Variants in EIF5B observed in about 807,000 individuals in gnomAD.
EIF5B encodes the protein eIF-5B.
EIF5B carries 47 observed loss-of-function variants against 147.5 expected under a neutral mutation model. That is an observed-to-expected ratio of 0.32 (90% CI 0.25 to 0.41). The LOEUF (loss-of-function observed/expected upper bound fraction) is 0.41. EIF5B is among the 10% of genes least tolerant of loss of function. The probability of loss-of-function intolerance (pLI) is 1.00; values close to 1 mark genes in which losing one functional copy is unlikely to be tolerated. For synonymous variants in EIF5B, 455 were observed against 456.2 expected (o/e 1.00, Z 0.03); for missense variants, 1,064 against 1,413.2 (o/e 0.75, Z 3.96).
At chr2:99,337,738 C>A in intron 1 of EIF5B, 149 bp downstream of exon 1, 3 of 1,080,790 alleles carry the variant, frequency 2.8e-6, no homozygotes, top group Non-Finnish European at 3.8e-6. Context: ...GGAGCGGGCC[C>A]AAGCCCCCGG....
chr2:99,380,428 G>A (rs1674664469), intron 12 of EIF5B, among the ~76,000 whole-genome samples: 1 of 152,146 alleles, frequency 6.6e-6, no homozygotes. Context: ...AGTTATTATT[G>A]TGCTGAGATA....
chr2:99,388,979 T>C (rs1230293521), intron 14 of EIF5B, among the ~76,000 whole-genome samples: 1 of 152,236 alleles, frequency 6.6e-6, no homozygotes, highest in Non-Finnish European at 1.5e-5. Context: ...GACATGTTTT[T>C]ATTATTTAGC....
rs1393025067 is a variant in EIF5B, at chr2:99,390,306, A to G, written c.2491A>G (p.Met831Val). 6.2e-7 allele frequency: 1 copy of G among 1,614,130 alleles called. No individual in the cohort carries two copies. Among genetic ancestry groups the G allele is most frequent in the Admixed American group, 1.7e-5 (1 of 60,016 alleles). Reference sequence around the variant, plus strand: ...TACCTCTGCACATACTGGTGATGGCATGGGAAGTCTGATCTACCTTCTTGT... The same window carrying G: ...TACCTCTGCACATACTGGTGATGGCGTGGGAAGTCTGATCTACCTTCTTGT... ...VPTSAHTGDG[M>V]GSLIYLLVEL... The change falls in exon 16 of 24, where the codon ATG becomes GTG. Residue 831 changes from methionine (M) to valine (V), a missense_variant. By Grantham distance (21) the Met-to-Val change is conservative (BLOSUM62 1). Around this residue, in one of 4 missense-constraint regions of EIF5B, gnomAD observed 380 missense variants for 715.6 expected, o/e 0.53. Coordinates refer to ENST00000289371, the MANE Select transcript of EIF5B (RefSeq NM_015904.4).
chr2:99,365,127 A>G (rs1674300870), intron 6 of EIF5B, among the ~76,000 whole-genome samples: 1 of 152,198 alleles, frequency 6.6e-6, no homozygotes, highest in Non-Finnish European at 1.5e-5. Context: ...CTGCTCCTAT[A>G]TTCCCTAGAT....
At chr2:99,399,007 AGAATCTG>A (rs1345848424) in intron 23 of EIF5B, 98 bp downstream of exon 23, 10 of 1,382,806 alleles carry the variant, frequency 7.2e-6, no homozygotes, top group Non-Finnish European at 8.8e-6. Context: ...GTTTGATTGT[AGAATCTG>A]ATGGGACTGG....
At chr2:99,376,735 T>C (rs888455153) in intron 10 of EIF5B, 99 bp downstream of exon 10, 72 of 1,442,988 alleles carry the variant, frequency 5.0e-5, no homozygotes, top group Admixed American at 7.5e-5. Flanking sequence ...ACTTTATGTA[T>C]TCTCAAGAAT....
At position 99,376,499 on chromosome 2, in the gene EIF5B, G is replaced by C. The variant is rs765218263; in HGVS notation, c.1705G>C (p.Val569Leu). The change falls in exon 10 of 24, where the codon GTG becomes CTG. Residue 569 changes from valine (V) to leucine (L), a missense_variant. By Grantham distance (32) the Val-to-Leu change is conservative. This residue lies in a region of EIF5B where 195 missense variants were observed against 186.3 expected (regional missense o/e 1.05). Coordinates refer to ENST00000289371, the MANE Select transcript of EIF5B (RefSeq NM_015904.4). ...GSEGDEEDEK[V>L]SDEKDSGKTL... ...TGAAGGTGATGAGGAAGATGAAAAG[G>C]TGTCAGATGAGAAGGATTCAGGGAA... 1 of 1,613,916 alleles carries C rather than the reference G, an allele frequency of 6.2e-7. No homozygotes were observed. Among genetic ancestry groups the C allele is most frequent in the Non-Finnish European group, 8.5e-7 (1 of 1,179,898 alleles).
intron 4 of EIF5B, among the ~76,000 whole-genome samples, chr2:99,363,354 G>A (rs1467110927): frequency 6.6e-6 from 1 of 152,162 alleles, no homozygotes; most frequent in Non-Finnish European, 1.5e-5. Context: ...GATACATTAG[G>A]TACAGGATTG....
chr2:99,400,985 T>G lies in EIF5B; in HGVS notation c.*1571T>G, dbSNP rs1675300140. Reference sequence around the variant, plus strand: ...TCTTTATTAAACAACTGTAAACACTTCACTGTAAAAATCCATAAAACTTTA... The same window carrying G: ...TCTTTATTAAACAACTGTAAACACTGCACTGTAAAAATCCATAAAACTTTA... On this transcript the variant is annotated 3_prime_UTR_variant, in exon 24 of 24. Transcript: ENST00000289371. 1 of 266,360 alleles carries G rather than the reference T, an allele frequency of 3.8e-6. No individual in the cohort carries two copies. The highest frequency in any genetic ancestry group is 7.2e-5 in the East Asian group (1 of 13,806). 16.5% of individuals were successfully genotyped at this position (266,360 alleles called of 1,614,324 possible). A position where few individuals can be genotyped will look rare whatever the true frequency, so the allele number is the denominator to read the frequency against.
intron 11 of EIF5B, 43 bp from the exon 12 acceptor site, chr2:99,379,275 T>C (rs752145779): frequency 6.5e-7 from 1 of 1,542,284 alleles, no homozygotes; most frequent in East Asian, 2.3e-5. Flanking sequence ...CTGCTATCTT[T>C]TCCATGTTCA....
At chr2:99,355,366 G>T (rs940117563) in intron 1 of EIF5B, among the ~76,000 whole-genome samples, 1 of 152,070 alleles carries the variant, frequency 6.6e-6, no homozygotes, top group Non-Finnish European at 1.5e-5. Flanking sequence ...CATTAAACCT[G>T]TATATCATTT....
At chr2:99,390,093 C>A in intron 15 of EIF5B, 126 bp from the exon 16 acceptor site, 2 of 1,178,776 alleles carry the variant, frequency 1.7e-6, no homozygotes, top group Non-Finnish European at 1.2e-6. Context: ...TATACATGAT[C>A]ATTTTTAGTG....
chr2:99,385,580 T>A (rs1305161842), intron 14 of EIF5B, among the ~76,000 whole-genome samples: 1 of 152,214 alleles, frequency 6.6e-6, no homozygotes, highest in Non-Finnish European at 1.5e-5. Context: ...ATACATTGCT[T>A]TTTTTAAGAA....
At chr2:99,342,944 T>TTTTCTTTC (rs750690880) in intron 1 of EIF5B, among the ~76,000 whole-genome samples, 336 of 151,174 alleles carry the variant, frequency 2.2e-3, no homozygotes, top group Non-Finnish European at 3.1e-3. Flanking sequence ...TGGGTTGTCT[T>TTTTCTTTC]TTTCTTTCTT....
chr2:99,385,626 A>G (rs955517911), intron 14 of EIF5B, among the ~76,000 whole-genome samples: 2 of 152,252 alleles, frequency 1.3e-5, no homozygotes, highest in African/African-American at 4.8e-5. Flanking sequence ...AGACTACAAT[A>G]TAGTATAAGC....
intron 11 of EIF5B, 38 bp from the exon 12 acceptor site, chr2:99,379,280 T>C: frequency 6.5e-7 from 1 of 1,547,742 alleles, no homozygotes; most frequent in Non-Finnish European, 8.8e-7. Context: ...ATCTTTTCCA[T>C]GTTCAAATAC....
intron 14 of EIF5B, among the ~76,000 whole-genome samples, chr2:99,387,952 C>T (rs1287534035): frequency 6.6e-6 from 1 of 152,172 alleles, no homozygotes; most frequent in Non-Finnish European, 1.5e-5. Context: ...AGATTTAAGA[C>T]CTGAGCCACC....
intron 1 of EIF5B, among the ~76,000 whole-genome samples, chr2:99,349,436 G>T (rs1246094062): frequency 6.6e-6 from 1 of 152,210 alleles, no homozygotes; most frequent in Non-Finnish European, 1.5e-5. Context: ...ATTGAGAGGA[G>T]ATTTGTACAT....
chr2:99,379,779 TTTTC>T (rs1302431697), intron 12 of EIF5B, among the ~76,000 whole-genome samples: 1 of 152,226 alleles, frequency 6.6e-6, no homozygotes, highest in Middle Eastern at 3.2e-3. Flanking sequence ...AATCAATTTC[TTTTC>T]TTTTTCTCCC....
Sources: allele counts gnomAD v4.1 joint callset (sites outside exome capture counted in the v4.1 genomes callset), GRCh38; gene constraint gnomAD v4.1.1; regional missense constraint gnomAD v4.1.1; transcripts MANE v1.5; gene names NCBI Gene and HGNC (gene_info 2026-07-23, HGNC 2026-07-21).